Variants in PCDH15 observed in about 807,000 individuals in gnomAD.
The protein encoded by PCDH15 is protocadherin related 15.
In PCDH15, 129 loss-of-function variants were observed where a neutral mutation model predicts 178.5. The observed-to-expected ratio is 0.72, with a 90% CI of 0.63 to 0.84. PCDH15 has a LOEUF of 0.84. Among genes scored for constraint, PCDH15 ranks in the 40% least tolerant of loss-of-function variants. PCDH15 has a pLI of 0.00. For missense variants in PCDH15, 2,230 were observed against 2,099.9 expected, an observed-to-expected ratio of 1.06 and a Z score of -1.21; for synonymous variants, 800 against 732.0, an observed-to-expected ratio of 1.09 and a Z score of -1.50.
At chr10:54,675,574 C>G (rs1361366637) in intron 1 of PCDH15, among the ~76,000 whole-genome samples, 1 of 150,890 alleles carries the variant, frequency 6.6e-6, no homozygotes, top group African/African-American at 2.4e-5. Context: ...GCATTTTCTC[C>G]TTTTTCATAT....
intron 2 of PCDH15, among the ~76,000 whole-genome samples, chr10:54,611,899 G>A (rs2092971978): frequency 1.3e-5 from 2 of 151,836 alleles, no homozygotes; most frequent in Admixed American, 1.3e-4. Context: ...ATGATTGTAT[G>A]AATGATTAAT....
chr10:54,622,507 A>G (rs2093383560), intron 2 of PCDH15, among the ~76,000 whole-genome samples: 1 of 135,942 alleles, frequency 7.4e-6, no homozygotes, highest in Non-Finnish European at 1.5e-5. Context: ...TCTACAAACC[A>G]CTTTAAATAT....
At chr10:55,328,665 A>T (rs1027088537) in intron 2 of PCDH15, among the ~76,000 whole-genome samples, 3 of 151,272 alleles carry the variant, frequency 2.0e-5, no homozygotes, top group African/African-American at 7.3e-5. Context: ...GGGAAAAAAA[A>T]CCCTGTGTCT....
At chr10:55,107,746 C>A (rs991432980) in intron 2 of PCDH15, among the ~76,000 whole-genome samples, 1 of 151,900 alleles carries the variant, frequency 6.6e-6, no homozygotes, top group South Asian at 2.1e-4. Context: ...CCCCACCCCC[C>A]TCAGCCTCCA....
chr10:54,844,861 A>G (rs1488448410), intron 3 of PCDH15, among the ~76,000 whole-genome samples: 1 of 151,888 alleles, frequency 6.6e-6, no homozygotes, highest in African/African-American at 2.4e-5. Flanking sequence ...TTGTTTCAAT[A>G]ATGACTTTTA....
intron 5 of PCDH15, among the ~76,000 whole-genome samples, chr10:54,355,831 C>T (rs183559511): frequency 3.9e-5 from 6 of 152,132 alleles, no homozygotes; most frequent in Admixed American, 2.0e-4. Context: ...CAAACCTTTA[C>T]ATTAGTAATC....
At chr10:55,257,800 C>A (rs1842041069) in intron 1 of PCDH15, among the ~76,000 whole-genome samples, 1 of 152,114 alleles carries the variant, frequency 6.6e-6, no homozygotes, top group South Asian at 2.1e-4. Flanking sequence ...AAACACTCTG[C>A]AGGATATTAT....
intron 3 of PCDH15, among the ~76,000 whole-genome samples, chr10:54,456,609 A>G (rs1195050761): frequency 6.6e-6 from 1 of 152,130 alleles, no homozygotes. Flanking sequence ...ATGAGTTAAA[A>G]CTTTGGGGAA....
At chr10:55,427,301 CTAA>C (rs1213215112) in intron 2 of PCDH15, among the ~76,000 whole-genome samples, 1 of 152,174 alleles carries the variant, frequency 6.6e-6, no homozygotes, top group African/African-American at 2.4e-5. Flanking sequence ...CACTACCATA[CTAA>C]TGTGAACATG....
At chr10:54,831,161 G>T (rs1164700855) in intron 3 of PCDH15, among the ~76,000 whole-genome samples, 3 of 151,998 alleles carry the variant, frequency 2.0e-5, no homozygotes, top group East Asian at 1.9e-4. Context: ...TGAAAATAGA[G>T]ATTTGGATAA....
At chr10:53,842,411 A>G (rs1224421611) in intron 28 of PCDH15, among the ~76,000 whole-genome samples, 1 of 151,944 alleles carries the variant, frequency 6.6e-6, no homozygotes, top group African/African-American at 2.4e-5. Flanking sequence ...ACACCTGGCT[A>G]ATTTTTGTAT....
intron 1 of PCDH15, among the ~76,000 whole-genome samples, chr10:54,710,873 G>A (rs2095421809): frequency 6.6e-6 from 1 of 151,918 alleles, no homozygotes; most frequent in South Asian, 2.1e-4. Context: ...AAGGAAGATG[G>A]CCATATGCAG....
At chr10:54,865,684 A>C (rs1953926522) in intron 3 of PCDH15, among the ~76,000 whole-genome samples, 1 of 152,174 alleles carries the variant, frequency 6.6e-6, no homozygotes, top group Admixed American at 6.5e-5. Context: ...CAATGTGATC[A>C]TTTAGACTAA....
chr10:53,910,535 T>C (rs1020715600), intron 25 of PCDH15, among the ~76,000 whole-genome samples: 2 of 151,972 alleles, frequency 1.3e-5, no homozygotes, highest in Admixed American at 1.3e-4. Context: ...CAAAGGTAGA[T>C]AAAAACCACA....
intron 1 of PCDH15, among the ~76,000 whole-genome samples, chr10:54,738,387 G>A (rs535969466): frequency 1.6e-4 from 24 of 152,130 alleles, no homozygotes; most frequent in African/African-American, 5.5e-4. Context: ...TGGCTAAAAT[G>A]TGTTTTAATT....
rs1177886692 is a variant in PCDH15 at position 54,896,117 on chromosome 10, C to T, written c.-29+1333G>A. 4.6e-5 allele frequency among the ~76,000 whole-genome samples: 7 copies of T among 152,096 alleles called. No individual in the cohort carries two copies. In the East Asian group the frequency reaches 1.2e-3, roughly 25 times the overall value. On this transcript the variant is annotated intron_variant, in intron 3 of 5. Coordinates refer to the PCDH15 transcript ENST00000458638. Reference sequence around the variant, plus strand: ...GGCCAGGCTGGTCTCGAACTCCTGACCTTGTGATCCACCCACCTTTGCCTC... The same window carrying T: ...GGCCAGGCTGGTCTCGAACTCCTGATCTTGTGATCCACCCACCTTTGCCTC...
chr10:55,013,231 A>C (rs1251793518), intron 2 of PCDH15, among the ~76,000 whole-genome samples: 1 of 152,168 alleles, frequency 6.6e-6, no homozygotes, highest in Non-Finnish European at 1.5e-5. Flanking sequence ...GATGATATGA[A>C]ACTGCACCCT....
At position 54,105,604 on chromosome 10, in the gene PCDH15, T is replaced by G. The variant is rs532926051; in HGVS notation, c.1918-15541A>C. Reference sequence around the variant, plus strand: ...CTGCCTGCTTTATTTTCTGATTAGATGGTGCCCACCCAGATTAAGGGTGGG... The same window carrying G: ...CTGCCTGCTTTATTTTCTGATTAGAGGGTGCCCACCCAGATTAAGGGTGGG... On this transcript the variant is annotated intron_variant, in intron 15 of 37. Transcript: ENST00000644397. Among the ~76,000 whole-genome samples, 190 of 152,170 alleles carry G rather than the reference T, an allele frequency of 1.2e-3. 1 individual carries two copies. Among genetic ancestry groups the G allele is most frequent in the Non-Finnish European group, 8.7e-4 (59 of 68,000 alleles).
chr10:54,118,434 G>A (rs112902688), intron 15 of PCDH15, among the ~76,000 whole-genome samples: 5,504 of 152,198 alleles, frequency 0.036, 318 homozygotes, highest in African/African-American at 0.12. Context: ...GCCAAGGAGG[G>A]CGGATCACGA....
Sources: gnomAD v4.1 joint callset for allele counts (sites outside exome capture counted in the v4.1 genomes callset) on GRCh38, gnomAD v4.1.1 for gene constraint, MANE v1.5 for transcripts, NCBI Gene and HGNC (gene_info 2026-07-23, HGNC 2026-07-21) for gene names.